Variants in COG5 observed in about 807,000 individuals in gnomAD.
The protein encoded by COG5 is conserved oligomeric Golgi complex subunit 5.
Under a neutral mutation model 110.4 loss-of-function variants are expected in COG5, and 86 were observed. The observed-to-expected ratio is 0.78, with a 90% CI of 0.65 to 0.93. The LOEUF (loss-of-function observed/expected upper bound fraction) is 0.93. Among genes scored for constraint, COG5 ranks in the 40% least tolerant of loss-of-function variants. COG5 has a pLI of 0.00. For synonymous variants in COG5, 360 were observed against 334.6 expected, an observed-to-expected ratio of 1.08 and a Z score of -0.83; for missense variants, 1,077 against 987.0, an observed-to-expected ratio of 1.09 and a Z score of -1.22.
chr7:107,377,166 T>C (rs75672215), intron 7 of COG5, among the ~76,000 whole-genome samples: 2,869 of 152,270 alleles, frequency 0.019, 89 homozygotes, highest in African/African-American at 0.064. Context: ...CTTAAATGTT[T>C]GGAAGAATTG....
chr7:107,551,845 G>T (rs1584959090), intron 3 of COG5, among the ~76,000 whole-genome samples: 1 of 152,126 alleles, frequency 6.6e-6, no homozygotes, highest in Admixed American at 6.5e-5. Flanking sequence ...TTGAACTCTG[G>T]GATCAAGTGA....
intron 6 of COG5, among the ~76,000 whole-genome samples, chr7:107,447,107 T>A (rs1021036526): frequency 6.6e-6 from 1 of 152,184 alleles, no homozygotes; most frequent in African/African-American, 2.4e-5. Context: ...CAGCACTGAC[T>A]TTCTGGTTTC....
At chr7:107,509,247 A>T (rs1177544640) in intron 6 of COG5, among the ~76,000 whole-genome samples, 2 of 152,220 alleles carry the variant, frequency 1.3e-5, no homozygotes, top group Non-Finnish European at 2.9e-5. Context: ...CTACGTGAAG[A>T]ATGCAGAAGC....
At chr7:107,536,618 C>T (rs550618545) in intron 5 of COG5, among the ~76,000 whole-genome samples, 3 of 152,194 alleles carry the variant, frequency 2.0e-5, no homozygotes, top group East Asian at 1.9e-4. Context: ...AGATAGGACA[C>T]GAACAAATGG....
rs886249590 is a variant in COG5, at chr7:107,556,597, C to T, written c.234+1379G>A. ...TAGACAAAACTAAATACATTATCCC[C>T]GCTCTCATAAACAACTTACACTGTT... On this transcript the variant is annotated intron_variant, in intron 2 of 21. Coordinates refer to ENST00000297135, the MANE Select transcript of COG5 (RefSeq NM_006348.5). 5.3e-5 allele frequency among the ~76,000 whole-genome samples: 8 copies of T among 152,238 alleles called. No individual in the cohort carries two copies. In the East Asian group the frequency reaches 5.8e-4, roughly 11 times the overall value.
chr7:107,294,713 C>CTT (rs796291188), intron 12 of COG5, among the ~76,000 whole-genome samples: 38 of 110,040 alleles, frequency 3.5e-4, no homozygotes, highest in South Asian at 1.8e-3. Flanking sequence ...AATTTTCTTT[C>CTT]TTTTTTTTTT....
chr7:107,415,170 T>C (rs1238873286), intron 6 of COG5, among the ~76,000 whole-genome samples: 1 of 152,128 alleles, frequency 6.6e-6, no homozygotes, highest in Non-Finnish European at 1.5e-5. Flanking sequence ...AGAAGAAAAC[T>C]AGATGAATGA....
At chr7:107,353,868 A>AT (rs58372032) in intron 10 of COG5, among the ~76,000 whole-genome samples, 30,440 of 151,744 alleles carry the variant, frequency 0.2, 3,178 homozygotes, top group Middle Eastern at 0.22. Flanking sequence ...ATCATGTGGG[A>AT]TTTTTTTTCC....
chr7:107,467,160 G>A (rs1463343122), intron 6 of COG5, among the ~76,000 whole-genome samples: 5 of 151,978 alleles, frequency 3.3e-5, no homozygotes, highest in South Asian at 2.1e-4. Flanking sequence ...AGAAAAGCAC[G>A]ACTTTTAAAA....
intron 6 of COG5, among the ~76,000 whole-genome samples, chr7:107,459,377 G>A (rs1046049428): frequency 1.3e-5 from 2 of 151,772 alleles, no homozygotes; most frequent in Admixed American, 6.6e-5. Flanking sequence ...GCATGCACCC[G>A]ATAAAAACAC....
At chr7:107,411,804 T>C (rs1031561637) in intron 7 of COG5, among the ~76,000 whole-genome samples, 11 of 152,150 alleles carry the variant, frequency 7.2e-5, no homozygotes, top group African/African-American at 2.4e-4. Context: ...ATTCCTGATT[T>C]AGAGGATATG....
intron 7 of COG5, among the ~76,000 whole-genome samples, chr7:107,375,786 A>C (rs1814591017): frequency 6.6e-6 from 1 of 151,922 alleles, no homozygotes; most frequent in South Asian, 2.1e-4. Flanking sequence ...CTCTTAATCA[A>C]GTATTTTAAG....
intron 18 of COG5, 81 bp from the exon 19 acceptor site, chr7:107,230,772 T>C (rs1187709860): frequency 1.8e-6 from 2 of 1,103,312 alleles, no homozygotes; most frequent in Non-Finnish European, 2.8e-6. Flanking sequence ...CACAGAAAGT[T>C]GTAGCTTGCA....
chr7:107,456,240 G>C (rs925898241), intron 6 of COG5, among the ~76,000 whole-genome samples: 12 of 152,128 alleles, frequency 7.9e-5, no homozygotes, highest in African/African-American at 2.9e-4. Context: ...ATAACTTTAA[G>C]ATACCAGTAA....
At chr7:107,502,456 A>G (rs1439775563) in intron 6 of COG5, among the ~76,000 whole-genome samples, 3 of 152,126 alleles carry the variant, frequency 2.0e-5, no homozygotes, top group Non-Finnish European at 4.4e-5. Context: ...TATCTTTGAA[A>G]TTGTGAATTG....
intron 19 of COG5, among the ~76,000 whole-genome samples, chr7:107,227,347 A>G (rs985495033): frequency 2.6e-5 from 4 of 152,202 alleles, no homozygotes; most frequent in African/African-American, 4.8e-5. Context: ...AATAGAAAGT[A>G]TCTTTTACTG....
chr7:107,461,232 G>C (rs1795972904), intron 6 of COG5, among the ~76,000 whole-genome samples: 1 of 151,672 alleles, frequency 6.6e-6, no homozygotes, highest in South Asian at 2.1e-4. Context: ...TATCTAAAAA[G>C]GTAGTACTAT....
chr7:107,249,489 T>C (rs1016797717), intron 16 of COG5, among the ~76,000 whole-genome samples: 4 of 152,062 alleles, frequency 2.6e-5, no homozygotes, highest in Admixed American at 2.0e-4. Context: ...GTGAAAATAA[T>C]GACTGAGGCT....
chr7:107,256,732 C>G lies in COG5; in HGVS notation c.1749G>C (p.Lys583Asn), dbSNP rs752355549. The G allele has an allele frequency of 1.9e-6, 3 of 1,605,066 alleles. No homozygotes were observed. In the African/African-American group the frequency reaches 4.0e-5, roughly 21 times the overall value. ...AAEQTIISAL[K>N]AIHALMENAV... ...AGAGTCAAAGATTAAATTCTTTTAC[C>G]TTTAGAGCTGAAATTATAGTTTGCT... The change falls in exon 16 of 22, where the codon AAG becomes AAC. Residue 583 changes from lysine to asparagine, a missense_variant and splice_region_variant. Physicochemically the swap from Lys to Asn is moderately conservative, Grantham distance 94. Coordinates refer to ENST00000297135, the MANE Select transcript of COG5 (RefSeq NM_006348.5).
Sources: gnomAD v4.1 joint callset for allele counts (sites outside exome capture counted in the v4.1 genomes callset) on GRCh38, gnomAD v4.1.1 for gene constraint, MANE v1.5 for transcripts, NCBI Gene and HGNC (gene_info 2026-07-23, HGNC 2026-07-21) for gene names.